Variants in DPY30 observed in about 807,000 individuals in gnomAD.
DPY30 encodes the protein protein dpy-30 homolog.
In DPY30, 6 loss-of-function variants were observed where a neutral mutation model predicts 16.2. The ratio of observed to expected loss-of-function variants is 0.37; its 90% CI spans 0.20 to 0.73. The LOEUF is 0.73. Ranked by LOEUF, DPY30 falls within the 30% of genes least tolerant of loss-of-function variation. DPY30 has a pLI of 0.51. For missense variants in DPY30, 73 were observed against 113.1 expected, an observed-to-expected ratio of 0.65 and a Z score of 1.61; for synonymous variants, 39 against 38.8, an observed-to-expected ratio of 1.00 and a Z score of -0.02.
intron 3 of DPY30, among the ~76,000 whole-genome samples, chr2:32,033,931 A>G (rs1284625248): frequency 6.6e-6 from 1 of 152,224 alleles, no homozygotes; most frequent in East Asian, 1.9e-4. Context: ...GGTGAGTACT[A>G]TGACTGTCCC....
At chr2:32,015,009 A>C (rs2148649351) in intron 5 of DPY30, among the ~76,000 whole-genome samples, 1 of 152,234 alleles carries the variant, frequency 6.6e-6, no homozygotes, top group Middle Eastern at 3.4e-3. Flanking sequence ...GGATGGAAAA[A>C]GGATTTAACC....
chr2:32,036,910 A>G (rs1675764087), intron 3 of DPY30, among the ~76,000 whole-genome samples: 1 of 152,158 alleles, frequency 6.6e-6, no homozygotes, highest in African/African-American at 2.4e-5. Flanking sequence ...GCCACAACCA[A>G]ATAACTTTAA....
At chr2:32,034,028 A>C (rs1374774256) in intron 3 of DPY30, among the ~76,000 whole-genome samples, 1 of 152,132 alleles carries the variant, frequency 6.6e-6, no homozygotes, top group East Asian at 1.9e-4. Context: ...CCCTGAGTTG[A>C]GAAGACAGTT....
chr2:32,033,445 G>T (rs1307069254), intron 3 of DPY30, among the ~76,000 whole-genome samples: 3 of 152,224 alleles, frequency 2.0e-5, no homozygotes, highest in African/African-American at 7.2e-5. Context: ...GGCCAAGGCA[G>T]GCGGATCACT....
At chr2:32,024,995 G>C (rs1460717445) in intron 4 of DPY30, among the ~76,000 whole-genome samples, 2 of 152,092 alleles carry the variant, frequency 1.3e-5, no homozygotes, top group Admixed American at 6.6e-5. Context: ...AAATTGGGGA[G>C]ACATCTATTT....
intron 5 of DPY30, chr2:32,012,974 T>A (rs528137781): frequency 6.0e-4 from 92 of 152,302 alleles, no homozygotes; most frequent in African/African-American, 2.2e-3. Context: ...GAGAGGGGAT[T>A]GGATACAATT....
chr2:32,020,776 A>T (rs1675161293), downstream of DPY30, among the ~76,000 whole-genome samples: 3 of 152,110 alleles, frequency 2.0e-5, no homozygotes, highest in Admixed American at 6.6e-5. Flanking sequence ...ACTCACGTAA[A>T]TATTTAACAT....
At position 32,015,803 on chromosome 2, in the gene DPY30, T is replaced by C. The variant is rs372154213; in HGVS notation, n.378-3751A>G. On this transcript the variant is annotated intron_variant and non_coding_transcript_variant, in intron 5 of 5. Transcript: ENST00000414013. ...CCAGGAGTTCAAAGCTGCAGTGACC[T>C]ATGATTGTGCCACTGCAGTCAAGGC... Among the ~76,000 whole-genome samples, 5 of 149,228 alleles carry C rather than the reference T, an allele frequency of 3.4e-5. No homozygotes were observed. In the East Asian group the frequency reaches 9.9e-4, roughly 29 times the overall value.
At chr2:32,020,355 TA>T (rs1002866550), downstream of DPY30, among the ~76,000 whole-genome samples, 4 of 150,972 alleles carry the variant, frequency 2.6e-5, no homozygotes, top group African/African-American at 9.7e-5. Flanking sequence ...AAGCTTCAAA[TA>T]AAAAAAAATT....
At chr2:32,039,099 C>T (rs1417308884) in intron 3 of DPY30, among the ~76,000 whole-genome samples, 180 bp downstream of exon 3, 1 of 152,092 alleles carries the variant, frequency 6.6e-6, no homozygotes, top group Non-Finnish European at 1.5e-5. Flanking sequence ...GTAATTTGTA[C>T]GTCTGTACAC....
At chr2:32,023,637 C>T (rs1427644034), downstream of DPY30, 5 of 965,982 alleles carry the variant, frequency 5.2e-6, no homozygotes, top group Admixed American at 9.4e-5. Flanking sequence ...CTTTGCAATG[C>T]TTTTATTAGT....
downstream of DPY30, chr2:32,023,798 G>A (rs1675237228): frequency 7.6e-7 from 1 of 1,307,248 alleles, no homozygotes; most frequent in African/African-American, 1.5e-5. Flanking sequence ...TTTTCTCTCT[G>A]TTGTAAAACT....
chr2:32,025,377 C>T (rs1675289699), intron 4 of DPY30, among the ~76,000 whole-genome samples: 1 of 152,052 alleles, frequency 6.6e-6, no homozygotes, highest in South Asian at 2.1e-4. Context: ...GCAGAAGAAT[C>T]ACTTGAACCC....
At chr2:32,015,926 TC>T (rs1675056529) in intron 5 of DPY30, among the ~76,000 whole-genome samples, 1 of 151,492 alleles carries the variant, frequency 6.6e-6, no homozygotes, top group Non-Finnish European at 1.5e-5. Context: ...AGAGTCTTGC[TC>T]TGTTGCCCAG....
chr2:32,011,804 A>C (rs1674930986), downstream of DPY30: 1 of 152,268 alleles, frequency 6.6e-6, no homozygotes, highest in Non-Finnish European at 1.5e-5. Context: ...CTATAATCCC[A>C]GCACTTTGGG....
At chr2:32,015,194 AGCAC>A (rs940065951) in intron 5 of DPY30, among the ~76,000 whole-genome samples, 1 of 152,218 alleles carries the variant, frequency 6.6e-6, no homozygotes, top group Admixed American at 6.6e-5. Flanking sequence ...CAGCTTTAGA[AGCAC>A]CCTAACACTG....
In DPY30 at chr2:32,039,772, G is replaced by C; in HGVS notation, c.-76C>G. 2.3e-6 allele frequency: 1 copy of C among 437,100 alleles called. No individual in the cohort carries two copies. The highest frequency in any genetic ancestry group is 4.2e-6 in the Non-Finnish European group (1 of 240,306). The allele number at this position is 437,100 out of a possible 1,614,324, so 27.1% of individuals were successfully genotyped here. On this transcript the variant is annotated 5_prime_UTR_variant, in exon 1 of 5. Transcript: ENST00000342166. ...TTCGTTCTTAAGAGCCCTGCACCGC[G>C]CCACCAGCTCCCAGCACAAACAGCT...
intron 3 of DPY30, among the ~76,000 whole-genome samples, chr2:32,036,347 A>C (rs1675736832): frequency 6.6e-6 from 1 of 152,028 alleles, no homozygotes; most frequent in African/African-American, 2.4e-5. Flanking sequence ...CAGATCCAAG[A>C]AGCTCAATGA....
chr2:32,035,802 C>T (rs1432356433), intron 3 of DPY30, among the ~76,000 whole-genome samples: 4 of 151,220 alleles, frequency 2.6e-5, no homozygotes, highest in Admixed American at 6.6e-5. Flanking sequence ...GGCATGGTAG[C>T]GGGTGCCTAT....
Sources: allele counts gnomAD v4.1 joint callset (sites outside exome capture counted in the v4.1 genomes callset), GRCh38; gene constraint gnomAD v4.1.1; transcripts MANE v1.5; gene names NCBI Gene and HGNC (gene_info 2026-07-23, HGNC 2026-07-21).